The following PSD3 variants were observed in gnomAD, a reference collection of about 807,000 sequenced individuals.
PSD3 encodes the protein pleckstrin and Sec7 domain containing 3, also known as PH and SEC7 domain-containing protein 3.
Under a neutral mutation model 105.5 loss-of-function variants are expected in PSD3, and 49 were observed. The ratio of observed to expected loss-of-function variants is 0.46; its 90% CI spans 0.37 to 0.59. The LOEUF is 0.59. PSD3 is among the 20% of genes least tolerant of loss of function. PSD3 has a pLI of 0.00. For synonymous variants in PSD3, 557 were observed against 457.8 expected (o/e 1.22, Z -2.77); for missense variants, 1,561 against 1,263.8 (o/e 1.24, Z -3.57).
chr8:18,610,742 G>A (rs549404206), intron 11 of PSD3, among the ~76,000 whole-genome samples: 116 of 152,136 alleles, frequency 7.6e-4, no homozygotes, highest in Non-Finnish European at 1.0e-3. Context: ...TATTCAAAGT[G>A]TTCCCTAGTG....
chr8:18,683,036 C>A (rs981808950), intron 9 of PSD3, among the ~76,000 whole-genome samples: 2 of 151,954 alleles, frequency 1.3e-5, no homozygotes, highest in African/African-American at 4.8e-5. Flanking sequence ...TTCTGAGTAC[C>A]CTGCTCACAC....
At chr8:19,032,615 A>T (rs1163088362) in intron 1 of PSD3, among the ~76,000 whole-genome samples, 1 of 148,092 alleles carries the variant, frequency 6.8e-6, no homozygotes, top group Non-Finnish European at 1.5e-5. Context: ...ATGCCACTGT[A>T]CTCCAGCCTG....
intron 1 of PSD3, among the ~76,000 whole-genome samples, chr8:18,971,275 C>G (rs545798540): frequency 6.6e-6 from 1 of 152,162 alleles, no homozygotes; most frequent in Non-Finnish European, 1.5e-5. Flanking sequence ...CAGGCTCAGG[C>G]GGGAACAAGC....
intron 1 of PSD3, among the ~76,000 whole-genome samples, chr8:18,996,590 T>C (rs908812421): frequency 2.0e-5 from 3 of 151,972 alleles, no homozygotes; most frequent in African/African-American, 4.8e-5. Context: ...TTGGGAATTA[T>C]GCTACTACAT....
intron 4 of PSD3, among the ~76,000 whole-genome samples, chr8:18,814,690 C>A (rs907782319): frequency 1.3e-5 from 2 of 152,152 alleles, no homozygotes; most frequent in Non-Finnish European, 2.9e-5. Context: ...TGTATATGCT[C>A]ATTGTTTGCA....
At chr8:18,784,475 G>T (rs1043165021) in intron 8 of PSD3, among the ~76,000 whole-genome samples, 2 of 152,116 alleles carry the variant, frequency 1.3e-5, no homozygotes, top group African/African-American at 4.8e-5. Context: ...TGTATCTGCT[G>T]ATTTCATGAG....
At chr8:18,680,339 A>G (rs1270294672) in intron 9 of PSD3, among the ~76,000 whole-genome samples, 1 of 152,166 alleles carries the variant, frequency 6.6e-6, no homozygotes, top group East Asian at 1.9e-4. Flanking sequence ...ACTTTTAGGA[A>G]ATTGTTTCTA....
intron 1 of PSD3, among the ~76,000 whole-genome samples, chr8:19,005,465 G>A (rs978815571): frequency 6.6e-6 from 1 of 151,862 alleles, no homozygotes; most frequent in Non-Finnish European, 1.5e-5. Context: ...CAACTCATGG[G>A]TCTGGAATTT....
chr8:18,614,851 G>T (rs1176184325), intron 11 of PSD3, among the ~76,000 whole-genome samples: 1 of 151,534 alleles, frequency 6.6e-6, no homozygotes, highest in Non-Finnish European at 1.5e-5. Flanking sequence ...GCCCCGGCTG[G>T]TCTCGAACTG....
At chr8:18,642,503 T>C (rs1414695145) in intron 10 of PSD3, among the ~76,000 whole-genome samples, 1 of 152,184 alleles carries the variant, frequency 6.6e-6, no homozygotes, top group East Asian at 1.9e-4. Context: ...GCAATTGATA[T>C]AGAGGATATA....
intron 9 of PSD3, among the ~76,000 whole-genome samples, chr8:18,725,222 G>T (rs1243984004): frequency 1.3e-5 from 2 of 152,066 alleles, no homozygotes; most frequent in African/African-American, 4.8e-5. Flanking sequence ...AGCCCCCCAA[G>T]AACTCTTTTA....
At chr8:18,694,368 T>G (rs1435587137) in intron 9 of PSD3, among the ~76,000 whole-genome samples, 1 of 152,196 alleles carries the variant, frequency 6.6e-6, no homozygotes, top group South Asian at 2.1e-4. Flanking sequence ...CCCAGCACTT[T>G]AGAAGGCTGA....
intron 1 of PSD3, among the ~76,000 whole-genome samples, chr8:19,013,076 G>A (rs1827029569): frequency 6.6e-6 from 1 of 152,120 alleles, no homozygotes; most frequent in African/African-American, 2.4e-5. Context: ...AAAGTTAAAT[G>A]CATGTAAAAC....
intron 1 of PSD3, among the ~76,000 whole-genome samples, chr8:18,964,606 G>C (rs1336462888): frequency 1.3e-5 from 2 of 151,894 alleles, no homozygotes; most frequent in African/African-American, 2.4e-5. Flanking sequence ...TGAACAACCA[G>C]CTACTCTTGA....
chr8:18,647,403 A>T (rs73587593), intron 10 of PSD3, among the ~76,000 whole-genome samples: 3,096 of 152,328 alleles, frequency 0.02, 104 homozygotes, highest in African/African-American at 0.07. Flanking sequence ...CAAATGTTTT[A>T]AACTGTTATT....
chr8:18,640,544 C>T (rs183670556), intron 10 of PSD3, among the ~76,000 whole-genome samples: 132 of 152,270 alleles, frequency 8.7e-4, no homozygotes, highest in Non-Finnish European at 1.7e-3. Flanking sequence ...GGCTCTCATT[C>T]TTCTCCTTCC....
At chr8:18,680,541 A>C (rs973738994) in intron 9 of PSD3, among the ~76,000 whole-genome samples, 1 of 152,142 alleles carries the variant, frequency 6.6e-6, no homozygotes, top group Non-Finnish European at 1.5e-5. Context: ...TTTAATAATG[A>C]ATGCCGGTCT....
chr8:18,807,116 A>C (rs2129447964), intron 4 of PSD3, among the ~76,000 whole-genome samples: 1 of 152,324 alleles, frequency 6.6e-6, no homozygotes, highest in South Asian at 2.1e-4. Context: ...AATGACAAAA[A>C]CCATTGTAGT....
intron 8 of PSD3, chr8:18,774,937 C>T (rs373271873): frequency 4.5e-4 from 204 of 456,172 alleles, no homozygotes; most frequent in African/African-American, 2.9e-3. Flanking sequence ...AAGCCACCAC[C>T]GCTGCCAAAT....
Sources: allele counts gnomAD v4.1 joint callset (sites outside exome capture counted in the v4.1 genomes callset), GRCh38; gene constraint gnomAD v4.1.1; transcripts MANE v1.5; gene names NCBI Gene and HGNC (gene_info 2026-07-23, HGNC 2026-07-21).